Variants in JAZF1 observed in about 807,000 individuals in gnomAD.
JAZF1 encodes JAZF zinc finger 1.
A neutral mutation model predicts 26.4 loss-of-function variants in JAZF1; 8 were observed. The observed-to-expected ratio is 0.30, with a 90% CI of 0.18 to 0.55. The LOEUF (loss-of-function observed/expected upper bound fraction) is 0.55, where lower values mean the gene tolerates loss of function less well. Ranked by LOEUF, JAZF1 falls within the 20% of genes least tolerant of loss-of-function variation. The pLI, the probability that JAZF1 is intolerant of heterozygous loss-of-function variation, is 0.94. For missense variants in JAZF1, 199 were observed against 322.0 expected (o/e 0.62, Z 2.92); for synonymous variants, 126 against 122.3 (o/e 1.03, Z -0.20).
chr7:27,862,470 T>C (rs144808021), intron 3 of JAZF1, among the ~76,000 whole-genome samples: 33 of 151,838 alleles, frequency 2.2e-4, no homozygotes, highest in Admixed American at 4.6e-4. Flanking sequence ...ACAATCCACT[T>C]ATTTCAAGCG....
chr7:28,076,796 A>G, intron 1 of JAZF1, among the ~76,000 whole-genome samples: 1 of 152,212 alleles, frequency 6.6e-6, no homozygotes, highest in South Asian at 2.1e-4. Flanking sequence ...CATTGTGCAA[A>G]TATATATTTA....
At chr7:27,834,415 G>C (rs1562756669) in intron 4 of JAZF1, among the ~76,000 whole-genome samples, 1 of 152,222 alleles carries the variant, frequency 6.6e-6, no homozygotes, top group Admixed American at 6.5e-5. Context: ...CCAAGTAGCA[G>C]CTGGCTATGC....
At chr7:28,063,311 A>G (rs1783829046) in intron 1 of JAZF1, among the ~76,000 whole-genome samples, 1 of 152,234 alleles carries the variant, frequency 6.6e-6, no homozygotes, top group Non-Finnish European at 1.5e-5. Flanking sequence ...GTTTAAAAAT[A>G]TAGATCATTT....
intron 2 of JAZF1, among the ~76,000 whole-genome samples, chr7:27,971,178 T>C (rs933721322): frequency 6.6e-6 from 1 of 152,250 alleles, no homozygotes; most frequent in African/African-American, 2.4e-5. Flanking sequence ...GACTTGACTG[T>C]CTTCATTTGC....
At chr7:28,092,881 A>G (rs1165025761) in intron 1 of JAZF1, among the ~76,000 whole-genome samples, 2 of 152,074 alleles carry the variant, frequency 1.3e-5, no homozygotes, top group East Asian at 1.9e-4. Flanking sequence ...AGAAAGAAAG[A>G]AAAGAAAAAA....
chr7:27,962,202 C>T (rs1047778861), intron 2 of JAZF1, among the ~76,000 whole-genome samples: 1 of 152,166 alleles, frequency 6.6e-6, no homozygotes, highest in African/African-American at 2.4e-5. Context: ...ACAAGACTAA[C>T]TGTACACAAG....
chr7:28,100,490 A>G (rs1297300859), intron 1 of JAZF1, among the ~76,000 whole-genome samples: 1 of 152,138 alleles, frequency 6.6e-6, no homozygotes, highest in Non-Finnish European at 1.5e-5. Flanking sequence ...TACCAGCAGG[A>G]AGAGGTACTT....
intron 2 of JAZF1, among the ~76,000 whole-genome samples, chr7:27,968,161 A>G (rs1785311692): frequency 6.6e-6 from 1 of 152,260 alleles, no homozygotes; most frequent in Non-Finnish European, 1.5e-5. Flanking sequence ...AAACTCAAAA[A>G]CATGCTGAGC....
intron 1 of JAZF1, among the ~76,000 whole-genome samples, chr7:28,169,012 A>T (rs532361998): frequency 1.3e-5 from 2 of 152,328 alleles, no homozygotes; most frequent in Admixed American, 1.3e-4. Flanking sequence ...ACTGGTGTAA[A>T]CACTGACATA....
At chr7:27,897,473 A>G (rs17621310) in intron 2 of JAZF1, among the ~76,000 whole-genome samples, 66,048 of 151,996 alleles carry the variant, frequency 0.43, 14,542 homozygotes, top group East Asian at 0.53. Flanking sequence ...TTCCCTTTCT[A>G]CACGGGAGTC....
chr7:28,060,565 T>C (rs1783782232), intron 1 of JAZF1, among the ~76,000 whole-genome samples: 1 of 152,270 alleles, frequency 6.6e-6, no homozygotes, highest in Admixed American at 6.5e-5. Context: ...ATTTCAGCTG[T>C]AAATCCACAA....
chr7:28,014,511 G>A (rs1384017898), intron 1 of JAZF1, among the ~76,000 whole-genome samples: 1 of 152,156 alleles, frequency 6.6e-6, no homozygotes, highest in Non-Finnish European at 1.5e-5. Flanking sequence ...CAAAAGATCT[G>A]ATAGTTTTAA....
chr7:27,852,659 C>T (rs1783172348), intron 3 of JAZF1, among the ~76,000 whole-genome samples: 3 of 152,154 alleles, frequency 2.0e-5, no homozygotes, highest in Non-Finnish European at 4.4e-5. Flanking sequence ...ACTCACAAGT[C>T]CCTGCCTATC....
chr7:27,903,854 A>G (rs532628279), intron 2 of JAZF1, among the ~76,000 whole-genome samples: 1 of 152,306 alleles, frequency 6.6e-6, no homozygotes, highest in African/African-American at 2.4e-5. Flanking sequence ...CATCACATCC[A>G]ACTATGCTTC....
chr7:27,884,280 G>A (rs779130163), intron 3 of JAZF1, among the ~76,000 whole-genome samples: 23 of 152,184 alleles, frequency 1.5e-4, no homozygotes, highest in Non-Finnish European at 7.3e-5. Flanking sequence ...ACAGGCATGT[G>A]CCACCACACC....
At chr7:28,045,772 C>G (rs1008882081) in intron 1 of JAZF1, among the ~76,000 whole-genome samples, 3 of 152,136 alleles carry the variant, frequency 2.0e-5, no homozygotes, top group Admixed American at 6.6e-5. Flanking sequence ...CACGGTCTCA[C>G]TGTGTTGCCC....
At chr7:27,946,182 A>T (rs796150735) in intron 2 of JAZF1, among the ~76,000 whole-genome samples, 9 of 152,328 alleles carry the variant, frequency 5.9e-5, no homozygotes, top group African/African-American at 2.2e-4. Flanking sequence ...TTTTTAACTT[A>T]TGATGGGTTT....
intron 2 of JAZF1, among the ~76,000 whole-genome samples, chr7:27,899,214 A>C (rs1284837755): frequency 6.6e-6 from 1 of 152,258 alleles, no homozygotes. Flanking sequence ...TTGGGGAGAC[A>C]AAAGTGTCTA....
At chr7:27,994,986 C>T (rs1785985365) in intron 1 of JAZF1, among the ~76,000 whole-genome samples, 1 of 152,110 alleles carries the variant, frequency 6.6e-6, no homozygotes, top group South Asian at 2.1e-4. Flanking sequence ...CCACATCCTG[C>T]ACAATGACAT....
Sources: gnomAD v4.1 joint callset for allele counts (sites outside exome capture counted in the v4.1 genomes callset) on GRCh38, gnomAD v4.1.1 for gene constraint, MANE v1.5 for transcripts, NCBI Gene and HGNC (gene_info 2026-07-23, HGNC 2026-07-21) for gene names.